Variants in KCNT1 observed in about 807,000 individuals in gnomAD.
KCNT1 encodes the protein potassium channel subfamily T member 1.
A neutral mutation model predicts 147.8 loss-of-function variants in KCNT1; 78 were observed. That is an observed-to-expected ratio of 0.53 (90% confidence interval 0.44 to 0.64). The LOEUF (loss-of-function observed/expected upper bound fraction) is 0.64, where lower values mean the gene tolerates loss of function less well. KCNT1 is among the 30% of genes least tolerant of loss of function. KCNT1 has a pLI of 0.00. For synonymous variants in KCNT1, 867 were observed against 748.8 expected, an observed-to-expected ratio of 1.16 and a Z score of -2.58; for missense variants, 1,419 against 1,750.3, an observed-to-expected ratio of 0.81 and a Z score of 3.38.
intron 28 of KCNT1, chr9:135,785,693 G>A (rs951232030): frequency 3.7e-5 from 19 of 508,076 alleles, no homozygotes; most frequent in African/African-American, 3.5e-4. Flanking sequence ...CAGGTGGGAT[G>A]CCTACCTCTT....
chr9:135,761,105 C>T (rs1340912358), intron 11 of KCNT1, among the ~76,000 whole-genome samples: 2 of 152,150 alleles, frequency 1.3e-5, no homozygotes, highest in Admixed American at 6.5e-5. Context: ...TGGGCTCAAG[C>T]GATCCTCCCG....
At chr9:135,727,056 T>C (rs1280198950) in intron 2 of KCNT1, among the ~76,000 whole-genome samples, 1 of 14,744 alleles carries the variant, frequency 6.8e-5, no homozygotes, top group African/African-American at 2.7e-4. Flanking sequence ...TCTCTCCCTC[T>C]CTCCCTCTGT....
At chr9:135,717,458 C>T (rs927495935) in intron 2 of KCNT1, among the ~76,000 whole-genome samples, 3 of 152,026 alleles carry the variant, frequency 2.0e-5, no homozygotes, top group Non-Finnish European at 2.9e-5. Context: ...GGCTGCTGGT[C>T]GGCTGGTGTC....
At position 135,788,788 on chromosome 9, in the gene KCNT1, G is replaced by A. The variant is rs536603272; in HGVS notation, c.3502+2267G>A. On this transcript the variant is annotated intron_variant, in intron 29 of 30. Transcript: ENST00000371757. Reference sequence around the variant, plus strand: ...CTCGAGCAGAGCCGCTCCACACCCCGTTTCCTCCAAGAACATGCTGTGCCC... The same window carrying A: ...CTCGAGCAGAGCCGCTCCACACCCCATTTCCTCCAAGAACATGCTGTGCCC... 9.2e-5 allele frequency among the ~76,000 whole-genome samples: 14 copies of A among 152,292 alleles called. No individual in the cohort carries two copies. The East Asian group carries it at 1.5e-3, about 17-fold the overall frequency.
At chr9:135,724,087 T>C (rs1004446948) in intron 2 of KCNT1, among the ~76,000 whole-genome samples, 13 of 152,306 alleles carry the variant, frequency 8.5e-5, no homozygotes, top group Middle Eastern at 6.8e-3. Context: ...TTATCCATCA[T>C]GGGCCCCTGA....
intron 4 of KCNT1, among the ~76,000 whole-genome samples, chr9:135,751,277 C>T (rs1432781546): frequency 2.6e-5 from 4 of 151,950 alleles, no homozygotes; most frequent in African/African-American, 7.3e-5. Context: ...TCCAGCTGTG[C>T]CCTTAGCTAC....
rs1279564456 is a variant in KCNT1, at chr9:135,769,257, G to T, written c.1510+320G>T. ...TGTGTGTCGGTGTGTCTGGGGCAGG[G>T]CGCGTGTGCATGCTGTTGGGTGATG... is the stretch of plus-strand genomic sequence containing the variant. On this transcript the variant is annotated intron_variant, in intron 15 of 30. Coordinates refer to ENST00000371757, the MANE Select transcript of KCNT1 (RefSeq NM_020822.3). 4.2e-5 allele frequency among the ~76,000 whole-genome samples: 6 copies of T among 142,444 alleles called. No homozygotes were observed. The East Asian group carries it at 8.8e-4, about 21-fold the overall frequency. 93.4% of individuals were successfully genotyped at this position (142,444 alleles called of 152,430 possible). A position where few individuals can be genotyped will look rare whatever the true frequency, so the allele number is the denominator to read the frequency against.
chr9:135,789,620 G>A (rs1319432084), intron 29 of KCNT1: 1 of 152,266 alleles, frequency 6.6e-6, no homozygotes, highest in Non-Finnish European at 1.5e-5. Context: ...GGGGATTCAG[G>A]CGGGAGTGAC....
rs541990310 is a variant in KCNT1 at position 135,724,771 on chromosome 9, G to A, written c.254+10051G>A. On this transcript the variant is annotated intron_variant, in intron 2 of 30. Transcript: ENST00000371757. The stretch of plus-strand genomic sequence containing the variant: ...TGGGATCCCTAGCTCCGGCTGGGTC[G>A]GCTGGGCTGCCCCGAGAGGCCCAAC... Among the ~76,000 whole-genome samples, 121 of 152,348 alleles carry A rather than the reference G, an allele frequency of 7.9e-4. 6 individuals are homozygous for A. Among genetic ancestry groups the A allele is most frequent in the Non-Finnish European group, 2.4e-4 (16 of 68,028 alleles).
intron 11 of KCNT1, among the ~76,000 whole-genome samples, chr9:135,763,653 T>G (rs998798199): frequency 2.0e-5 from 3 of 152,192 alleles, no homozygotes; most frequent in Non-Finnish European, 4.4e-5. Flanking sequence ...CTGCCCCGTG[T>G]GCACTTGGCC....
chr9:135,763,217 G>A (rs1021533067), intron 11 of KCNT1, among the ~76,000 whole-genome samples: 11 of 132,188 alleles, frequency 8.3e-5, no homozygotes, highest in African/African-American at 1.1e-4. Flanking sequence ...TGACCCCACC[G>A]TCTAAGCCGC....
chr9:135,754,046 G>C (rs1831342168), intron 5 of KCNT1, 53 bp downstream of exon 5: 1 of 1,536,918 alleles, frequency 6.5e-7, no homozygotes, highest in Non-Finnish European at 9.0e-7. Flanking sequence ...CCTGGGACCA[G>C]GGTGGGGTGG....
chr9:135,737,021 G>A (rs868218247), intron 2 of KCNT1: 3 of 262,488 alleles, frequency 1.1e-5, no homozygotes, highest in African/African-American at 4.5e-5. Context: ...GGCTGCAGGT[G>A]AGACTGCAGG....
intron 2 of KCNT1, among the ~76,000 whole-genome samples, chr9:135,742,259 A>G (rs1181089517): frequency 1.3e-5 from 2 of 152,214 alleles, no homozygotes; most frequent in Non-Finnish European, 2.9e-5. Flanking sequence ...ACAAGGGGAC[A>G]GCCTCGCAGA....
In KCNT1 at chr9:135,743,239, G is replaced by A. The variant is rs79252529; in HGVS notation, c.255-6859G>A. Among the ~76,000 whole-genome samples, 228 of 152,274 alleles carry A rather than the reference G, an allele frequency of 1.5e-3. 8 individuals carry two copies. In the East Asian group the frequency reaches 0.04, roughly 27 times the overall value. ...CGGAGGCTGTGCCACTCCCCACTGA[G>A]CCGCCGGGGCTCTGCCGGTGGTGCT... On this transcript the variant is annotated intron_variant, in intron 2 of 30. Coordinates refer to ENST00000371757, the MANE Select transcript of KCNT1 (RefSeq NM_020822.3).
intron 13 of KCNT1, among the ~76,000 whole-genome samples, chr9:135,766,106 C>A (rs1450388045): frequency 1.3e-5 from 2 of 150,978 alleles, no homozygotes; most frequent in Admixed American, 1.3e-4. Context: ...CTGGGGTGGA[C>A]CATTCAGGGT....
intron 24 of KCNT1, among the ~76,000 whole-genome samples, chr9:135,783,657 A>G (rs1310659325): frequency 6.6e-6 from 1 of 152,196 alleles, no homozygotes; most frequent in East Asian, 1.9e-4. Flanking sequence ...CCACTTACAA[A>G]ACACCGGGGG....
At chr9:135,732,685 ACTTC>A (rs1427240031) in intron 2 of KCNT1, among the ~76,000 whole-genome samples, 1 of 148,344 alleles carries the variant, frequency 6.7e-6, no homozygotes, top group Non-Finnish European at 1.5e-5. Context: ...CTCCTGGGGA[ACTTC>A]CTTCTTCTCT....
Position 135,795,188 on chromosome 9 carries a change from C to A in KCNT1, c.*3027C>A, listed in dbSNP as rs1339224175. ...GTGTCTCACACCTGTAATCCCAGCA[C>A]TTTGGGAGGCCAAGGCAGGTGGACT... On this transcript the variant is annotated 3_prime_UTR_variant, in exon 31 of 31. Transcript: ENST00000371757. 3 of 152,044 alleles carry A rather than the reference C, an allele frequency of 2.0e-5. No individual in the cohort carries two copies. Among genetic ancestry groups the A allele is most frequent in the African/African-American group, 7.3e-5 (3 of 41,360 alleles). The allele number at this position is 152,044 out of a possible 1,614,324, so 9.4% of individuals were successfully genotyped here. A position where few individuals can be genotyped will look rare whatever the true frequency, so the allele number is the denominator to read the frequency against.
Sources: allele counts gnomAD v4.1 joint callset (sites outside exome capture counted in the v4.1 genomes callset), GRCh38; gene constraint gnomAD v4.1.1; transcripts MANE v1.5; gene names NCBI Gene and HGNC (gene_info 2026-07-23, HGNC 2026-07-21).